PCDHA12: variants seen among roughly 807,000 people sequenced by gnomAD.
PCDHA12 encodes the protein protocadherin alpha-12.
A neutral mutation model predicts 60.0 loss-of-function variants in PCDHA12; 44 were observed. The ratio of observed to expected loss-of-function variants is 0.73; its 90% CI spans 0.58 to 0.94. The LOEUF (loss-of-function observed/expected upper bound fraction) is 0.94. PCDHA12 is among the 40% of genes least tolerant of loss of function. The pLI, the probability that PCDHA12 is intolerant of heterozygous loss-of-function variation, is 0.00. For synonymous variants in PCDHA12, 569 were observed against 553.0 expected (o/e 1.03, Z -0.40); for missense variants, 1,276 against 1,239.7 (o/e 1.03, Z -0.44).
Position 140,875,928 on chromosome 5 carries a change from T to C in PCDHA12, c.456T>C (p.Phe152=), listed in dbSNP as rs782425352. ...VSESAPLDSH[F]PLEGASDADI... is the part of the protein sequence containing the mutation. Reference sequence around the variant, plus strand: ...AATCTGCGCCTCTGGACTCTCATTTTCCTCTAGAGGGCGCTTCTGATGCGG... The same window carrying C: ...AATCTGCGCCTCTGGACTCTCATTTCCCTCTAGAGGGCGCTTCTGATGCGG... Residue 152 remains phenylalanine (F), a synonymous_variant, in exon 1 of 4, where the codon TTT becomes TTC. Coordinates refer to ENST00000398631, the MANE Select transcript of PCDHA12 (RefSeq NM_018903.4). 1 of 1,614,188 alleles carries C rather than the reference T, an allele frequency of 6.2e-7. No individual in the cohort carries two copies. The highest frequency in any genetic ancestry group is 1.1e-5 in the South Asian group (1 of 91,086).
At chr5:140,881,377 G>A (rs557722479) in intron 1 of PCDHA12, 222 of 984,702 alleles carry the variant, frequency 2.3e-4, no homozygotes, top group Non-Finnish European at 2.4e-4. Flanking sequence ...AATTGCAGCC[G>A]GCGGCGGTAA....
At chr5:140,948,098 AT>A (rs1400798416) in intron 1 of PCDHA12, among the ~76,000 whole-genome samples, 2 of 151,502 alleles carry the variant, frequency 1.3e-5, no homozygotes, top group African/African-American at 4.8e-5. Flanking sequence ...TGAGCATATG[AT>A]TTTTCTTCGT....
chr5:140,939,956 A>G (rs2092504641), intron 1 of PCDHA12, among the ~76,000 whole-genome samples: 1 of 152,234 alleles, frequency 6.6e-6, no homozygotes, highest in Non-Finnish European at 1.5e-5. Context: ...AAATTATGTT[A>G]AAGTGTTCCA....
rs1466426021 is a variant in PCDHA12 at position 140,917,334 on chromosome 5, G to C, written c.2367+39495G>C. On this transcript the variant is annotated intron_variant, in intron 1 of 3. Transcript: ENST00000398631. ...TTGGTGTTCATGTGGCGGGGGAGGG[G>C]GGGGATGGTGTAGGCTTCTGTTCCA... Among the ~76,000 whole-genome samples the C allele has an allele frequency of 4.7e-5, 7 of 147,744 alleles. 2 individuals carry two copies. The highest frequency in any genetic ancestry group is 1.4e-4 in the Admixed American group (2 of 14,792).
chr5:141,010,025 A>G lies in PCDHA12; in HGVS notation c.*88A>G. The G allele has an allele frequency of 6.4e-7, 1 of 1,573,940 alleles. No homozygotes were observed. The highest frequency in any genetic ancestry group is 2.2e-5 in the East Asian group (1 of 44,636). ...TAGCAATTCCCTGCTCCTTTTTCCT[A>G]TCTACATGAGCCCTCTTAGAGACCT... On this transcript the variant is annotated 3_prime_UTR_variant, in exon 4 of 4. Transcript: ENST00000398631.
intron 1 of PCDHA12, among the ~76,000 whole-genome samples, chr5:140,906,677 A>C (rs1239152358): frequency 6.6e-6 from 1 of 152,134 alleles, no homozygotes; most frequent in Admixed American, 6.5e-5. Context: ...CCAAACCTTC[A>C]TTCCTGAAGG....
chr5:140,969,249 A>G (rs1586364972), intron 1 of PCDHA12: 1 of 1,614,240 alleles, frequency 6.2e-7, no homozygotes, highest in Admixed American at 1.7e-5. Flanking sequence ...GCAGTGACTG[A>G]CAGCAGGAAT....
Position 140,953,939 on chromosome 5 carries a change from A to G in PCDHA12, c.2368-25010A>G, listed in dbSNP as rs544318515. ...TATTCTTCCTGATGCTCTCCCTCCCATTGCTCCCCCAACAGGCCCCAGTGT... is the reference window on the plus strand; with the variant it reads ...TATTCTTCCTGATGCTCTCCCTCCCGTTGCTCCCCCAACAGGCCCCAGTGT... On this transcript the variant is annotated intron_variant, in intron 1 of 3. Coordinates refer to ENST00000398631, the MANE Select transcript of PCDHA12 (RefSeq NM_018903.4). Among the ~76,000 whole-genome samples the G allele has an allele frequency of 2.8e-3, 420 of 151,700 alleles. 4 individuals carry two copies. The highest frequency in any genetic ancestry group is 4.8e-3 in the Non-Finnish European group (324 of 67,900).
At chr5:140,888,260 A>G (rs563968634) in intron 1 of PCDHA12, among the ~76,000 whole-genome samples, 1 of 152,194 alleles carries the variant, frequency 6.6e-6, no homozygotes, top group South Asian at 2.1e-4. Flanking sequence ...GTAGTTCTTG[A>G]TAAGAAACAG....
At chr5:141,000,900 G>T (rs1020896392) in intron 3 of PCDHA12, among the ~76,000 whole-genome samples, 4 of 151,614 alleles carry the variant, frequency 2.6e-5, no homozygotes, top group African/African-American at 9.7e-5. Context: ...AGATATAGAC[G>T]CTGTCTCTAA....
chr5:140,883,702 T>C (rs367854871), intron 1 of PCDHA12: 80 of 1,613,632 alleles, frequency 5.0e-5, no homozygotes, highest in South Asian at 6.6e-5. Context: ...TCACGGTGTC[T>C]GCTCAGGACG....
chr5:140,963,770 C>T (rs1296794666), intron 1 of PCDHA12, among the ~76,000 whole-genome samples: 2 of 152,176 alleles, frequency 1.3e-5, no homozygotes, highest in Non-Finnish European at 2.9e-5. Context: ...TATTTCATGA[C>T]GACAGCAACA....
At chr5:140,879,555 C>A (rs1278975106) in intron 1 of PCDHA12, among the ~76,000 whole-genome samples, 1 of 152,048 alleles carries the variant, frequency 6.6e-6, no homozygotes, top group African/African-American at 2.4e-5. Flanking sequence ...AAAAATAATC[C>A]ATGAAAGAAT....
chr5:140,890,419 A>G (rs1168983784), intron 1 of PCDHA12, among the ~76,000 whole-genome samples: 4 of 152,212 alleles, frequency 2.6e-5, no homozygotes, highest in Non-Finnish European at 5.9e-5. Context: ...ATATTTATTT[A>G]GTTTATATTT....
chr5:140,882,357 A>G lies in PCDHA12; in HGVS notation c.2367+4518A>G, dbSNP rs1010659037. On this transcript the variant is annotated intron_variant, in intron 1 of 3. Transcript: ENST00000398631. Reference sequence around the variant, plus strand: ...GCAGCCTGGGAGACGGGTAGTGGCCAGCTCCACTACTCCGTCCCCGAGGAA... The same window carrying G: ...GCAGCCTGGGAGACGGGTAGTGGCCGGCTCCACTACTCCGTCCCCGAGGAA... 22 of 1,614,084 alleles carry G rather than the reference A, an allele frequency of 1.4e-5. No individual in the cohort carries two copies. In the Admixed American group the frequency reaches 2.5e-4, roughly 18 times the overall value.
At chr5:140,952,807 C>T (rs1390694306) in intron 1 of PCDHA12, among the ~76,000 whole-genome samples, 2 of 152,158 alleles carry the variant, frequency 1.3e-5, no homozygotes, top group Admixed American at 6.5e-5. Context: ...CGCAGTTCTG[C>T]AGGCTGTACA....
At chr5:140,896,673 G>T (rs962137649) in intron 1 of PCDHA12, among the ~76,000 whole-genome samples, 1 of 152,000 alleles carries the variant, frequency 6.6e-6, no homozygotes, top group African/African-American at 2.4e-5. Context: ...CACTGTGCCC[G>T]GCCCTTTGCC....
At chr5:141,009,312 A>G (rs1355833857) in intron 3 of PCDHA12, among the ~76,000 whole-genome samples, 1 of 152,160 alleles carries the variant, frequency 6.6e-6, no homozygotes, top group Non-Finnish European at 1.5e-5. Context: ...TTAAAAAGCT[A>G]GCCTGGCATG....
At chr5:140,908,342 A>G (rs542660039) in intron 1 of PCDHA12, among the ~76,000 whole-genome samples, 48 of 152,196 alleles carry the variant, frequency 3.2e-4, no homozygotes, top group Non-Finnish European at 5.3e-4. Flanking sequence ...TTGAGCCACT[A>G]CCTCATGTAA....
Sources: allele counts gnomAD v4.1 joint callset (sites outside exome capture counted in the v4.1 genomes callset), GRCh38; gene constraint gnomAD v4.1.1; transcripts MANE v1.5; gene names NCBI Gene and HGNC (gene_info 2026-07-23, HGNC 2026-07-21).